The following SLC2A5 variants were observed in gnomAD, a reference collection of about 807,000 sequenced individuals.
SLC2A5 encodes solute carrier family 2, facilitated glucose transporter member 5.
In SLC2A5, 56 loss-of-function variants were observed where a neutral mutation model predicts 50.3. The ratio of observed to expected loss-of-function variants is 1.11; its 90% confidence interval spans 0.90 to 1.39. SLC2A5 has a LOEUF of 1.39. Ranked by LOEUF, SLC2A5 falls within the 40% of genes most tolerant of loss-of-function variation. SLC2A5 has a pLI of 0.00. For synonymous variants in SLC2A5, 269 were observed against 281.9 expected, an observed-to-expected ratio of 0.95 and a Z score of 0.46; for missense variants, 566 against 650.1, an observed-to-expected ratio of 0.87 and a Z score of 1.41.
At chr1:9,091,352 A>G (rs886538152), upstream of SLC2A5, among the ~76,000 whole-genome samples, 3 of 152,056 alleles carry the variant, frequency 2.0e-5, no homozygotes, top group Non-Finnish European at 4.4e-5. Context: ...CCCATGGGAA[A>G]CTCCCTCCAA....
At chr1:9,051,441 TCTTAAAA>T (rs754523387) in intron 3 of SLC2A5, among the ~76,000 whole-genome samples, 1 of 152,064 alleles carries the variant, frequency 6.6e-6, no homozygotes, top group Admixed American at 6.6e-5. Context: ...TACAAAGAAC[TCTTAAAA>T]CTTAAAAAGA....
intron 2 of SLC2A5, among the ~76,000 whole-genome samples, chr1:9,078,876 A>G (rs1014836139): frequency 6.6e-6 from 1 of 152,132 alleles, no homozygotes; most frequent in Non-Finnish European, 1.5e-5. Context: ...CACATTCCAG[A>G]TTTAGATAAG....
At chr1:9,043,494 C>T (rs574141341) in intron 4 of SLC2A5, among the ~76,000 whole-genome samples, 26 of 152,218 alleles carry the variant, frequency 1.7e-4, no homozygotes, top group Admixed American at 1.6e-3. Context: ...AAAGGAAGGC[C>T]TCCTGGGAGC....
At chr1:9,090,810 A>T (rs1024344222), upstream of SLC2A5, among the ~76,000 whole-genome samples, 3 of 152,086 alleles carry the variant, frequency 2.0e-5, no homozygotes, top group Non-Finnish European at 4.4e-5. Context: ...CTTCAATTAG[A>T]CCTCTCCCAA....
intron 2 of SLC2A5, among the ~76,000 whole-genome samples, chr1:9,075,049 G>A (rs1029628857): frequency 1.3e-5 from 2 of 151,884 alleles, no homozygotes; most frequent in Admixed American, 6.6e-5. Flanking sequence ...AAAAAGAAGT[G>A]CTTTCCAAGC....
chr1:9,079,955 T>C (rs964112023), intron 2 of SLC2A5, among the ~76,000 whole-genome samples: 8 of 152,226 alleles, frequency 5.3e-5, no homozygotes, highest in Non-Finnish European at 1.0e-4. Context: ...ATTAAACAAC[T>C]ACTCCCCATT....
Position 9,081,468 on chromosome 1 carries a change from T to TAAAA in SLC2A5, c.-59+3542_-59+3545dup, listed in dbSNP as rs34557003. Reference sequence around the variant, plus strand: ...GGCAATGGAGGTAGACTCCTTCTCTTAAAAAAAAAAAAAAAAAAAAAGTAA... The same window carrying TAAAA: ...GGCAATGGAGGTAGACTCCTTCTCTTAAAAAAAAAAAAAAAAAAAAAAAAAGTAA... On this transcript the variant is annotated intron_variant, in intron 2 of 5. Coordinates refer to the SLC2A5 transcript ENST00000464985. 3.9e-5 allele frequency among the ~76,000 whole-genome samples: 4 copies of TAAAA among 102,464 alleles called. 1 individual carries two copies. Among genetic ancestry groups the TAAAA allele is most frequent in the South Asian group, 7.0e-4 (2 of 2,876 alleles). 67.2% of individuals were successfully genotyped at this position (102,464 alleles called of 152,430 possible). A position where few individuals can be genotyped will look rare whatever the true frequency, so the allele number is the denominator to read the frequency against.
At chr1:9,063,681 C>CTTTTTTTTTTTTTTTTTT (rs70985579) in intron 1 of SLC2A5, among the ~76,000 whole-genome samples, 1 of 45,144 alleles carries the variant, frequency 2.2e-5, no homozygotes, top group African/African-American at 1.1e-4. Flanking sequence ...CTATTATTTA[C>CTTTTTTTTTTTTTTTTTT]TTTTTTTTTT....
rs1235664900 is a variant in SLC2A5, at chr1:9,058,216, A to G, written c.68T>C (p.Ile23Thr). The change falls in exon 2 of 12, where the codon ATA becomes ACA. Residue 23 changes from isoleucine to threonine, a missense_variant. Transcript: ENST00000377424. ...LTLVLALATL[I>T]AAFGSSFQYG... ...CTGGAAGGATGACCCAAAGGCAGCT[A>G]TCAGGGTTGCCAGGGCAAGCACAAG... 2 of 1,614,124 alleles carry G rather than the reference A, an allele frequency of 1.2e-6. No individual in the cohort carries two copies. Among genetic ancestry groups the G allele is most frequent in the South Asian group, 2.2e-5 (2 of 91,088 alleles).
intron 3 of SLC2A5, among the ~76,000 whole-genome samples, chr1:9,052,689 C>T (rs1641608903): frequency 6.6e-6 from 1 of 152,204 alleles, no homozygotes; most frequent in East Asian, 1.9e-4. Flanking sequence ...AGCCTCTTCT[C>T]AATTATGTGA....
At chr1:9,075,589 G>A (rs1416580516) in intron 2 of SLC2A5, among the ~76,000 whole-genome samples, 2 of 152,180 alleles carry the variant, frequency 1.3e-5, no homozygotes, top group Non-Finnish European at 2.9e-5. Context: ...AAATGGTGGA[G>A]TTAGCAGGAC....
chr1:9,075,717 A>G (rs974035408), intron 2 of SLC2A5, among the ~76,000 whole-genome samples: 1 of 151,748 alleles, frequency 6.6e-6, no homozygotes, highest in African/African-American at 2.4e-5. Context: ...CTGGAGTGCA[A>G]TGGCATGATC....
rs1641213615 is a variant in SLC2A5, at chr1:9,038,858, G to T, written c.1068C>A (p.Cys356Ter). 1.2e-6 allele frequency: 2 copies of T among 1,612,568 alleles called. No homozygotes were observed. Among genetic ancestry groups the T allele is most frequent in the Non-Finnish European group, 1.7e-6 (2 of 1,179,820 alleles). The part of the protein sequence containing the change: ...LLGFSICLIA[C>*]CVLTAALALQ... Reference sequence around the variant, plus strand: ...GTGCCAGAGCTGCAGTGAGCACGCAGCAGGCTATGAGGCAGATGGAGAAGC... The same window carrying T: ...GTGCCAGAGCTGCAGTGAGCACGCATCAGGCTATGAGGCAGATGGAGAAGC... The change falls in exon 9 of 12, where the codon TGC becomes TGA. Residue 356 changes from cysteine (C) to a stop codon, truncating the protein, a stop_gained. Transcript: ENST00000377424. LOFTEE classifies it high-confidence loss of function.
chr1:9,062,867 G>C (rs1295841482), intron 1 of SLC2A5, among the ~76,000 whole-genome samples: 1 of 151,514 alleles, frequency 6.6e-6, no homozygotes, highest in African/African-American at 2.4e-5. Flanking sequence ...GCAAGACTCT[G>C]TCTCAAAAAA....
intron 1 of SLC2A5, among the ~76,000 whole-genome samples, chr1:9,087,003 C>G (rs1199050449): frequency 2.0e-5 from 3 of 152,180 alleles, no homozygotes; most frequent in African/African-American, 7.2e-5. Context: ...CAGAGACATT[C>G]CAACCCCACA....
In SLC2A5 at chr1:9,057,624, A is replaced by G. The variant is rs373430097; in HGVS notation, c.133-16T>C. 1.0e-4 allele frequency: 162 copies of G among 1,606,510 alleles called. No homozygotes were observed. The highest frequency in any genetic ancestry group is 1.0e-4 in the Non-Finnish European group (121 of 1,176,458). On this transcript the variant is annotated splice_polypyrimidine_tract_variant and intron_variant, in intron 2 of 11. Coordinates refer to ENST00000377424, the MANE Select transcript of SLC2A5 (RefSeq NM_003039.3). Reference sequence around the variant, plus strand: ...GTTGCATGAGCTAGGAGACAAAGCAAAACAGAACACCAAAATAATTTGATC... The same window carrying G: ...GTTGCATGAGCTAGGAGACAAAGCAGAACAGAACACCAAAATAATTTGATC...
At chr1:9,082,506 G>A (rs975902520) in intron 2 of SLC2A5, among the ~76,000 whole-genome samples, 1 of 152,078 alleles carries the variant, frequency 6.6e-6, no homozygotes, top group Non-Finnish European at 1.5e-5. Flanking sequence ...TTGAGTCCCA[G>A]AGTTCAAGTC....
chr1:9,088,744 C>T (rs1326418460), upstream of SLC2A5, among the ~76,000 whole-genome samples: 1 of 152,184 alleles, frequency 6.6e-6, no homozygotes, highest in African/African-American at 2.4e-5. Flanking sequence ...GATCGCGCCA[C>T]TGCACTCCAG....
chr1:9,077,709 C>G (rs1377169633), intron 2 of SLC2A5, among the ~76,000 whole-genome samples: 3 of 125,696 alleles, frequency 2.4e-5, no homozygotes, highest in Non-Finnish European at 5.0e-5. Context: ...CATTCCATTG[C>G]ACTCCAGCCT....
Sources: gnomAD v4.1 joint callset for allele counts (sites outside exome capture counted in the v4.1 genomes callset) on GRCh38, gnomAD v4.1.1 for gene constraint, MANE v1.5 for transcripts, NCBI Gene and HGNC (gene_info 2026-07-23, HGNC 2026-07-21) for gene names.